ANKRD36C: variants seen among roughly 807,000 people sequenced by gnomAD.
ANKRD36C encodes ankyrin repeat domain 36C, also known as ankyrin repeat domain-containing protein 36C.
A neutral mutation model predicts 276.4 loss-of-function variants in ANKRD36C; 61 were observed. The observed-to-expected ratio is 0.22, with a 90% CI of 0.18 to 0.27. The LOEUF is 0.27. ANKRD36C is among the 10% of genes least tolerant of loss of function. The pLI is 1.00. For missense variants in ANKRD36C, 1,447 were observed against 2,032.3 expected (o/e 0.71, Z 5.54); for synonymous variants, 483 against 680.1 (o/e 0.71, Z 4.51).
chr2:95,851,485 T>C (rs1675290623), intron 66 of ANKRD36C, among the ~76,000 whole-genome samples: 1 of 152,356 alleles, frequency 6.6e-6, no homozygotes, highest in South Asian at 2.1e-4. Flanking sequence ...TCAGGCTATG[T>C]GCATAAGGTA....
chr2:95,917,811 CTA>C (rs1677146661), intron 36 of ANKRD36C, 42 bp downstream of exon 38: 13 of 1,559,406 alleles, frequency 8.3e-6, no homozygotes, highest in Non-Finnish European at 1.1e-5. Context: ...AAGTTCTTTT[CTA>C]TCTGGATTGA....
chr2:95,895,700 G>A (rs1382712148), intron 44 of ANKRD36C, 110 bp from the exon 61 acceptor site: 25 of 1,518,512 alleles, frequency 1.6e-5, no homozygotes, highest in Admixed American at 7.6e-5. Context: ...TATTAGTGGA[G>A]GCTTTCATGG....
At chr2:95,893,449 C>A (rs1157127663) in intron 44 of ANKRD36C, 84 bp downstream of exon 64, 2 of 1,510,782 alleles carry the variant, frequency 1.3e-6, no homozygotes, top group Admixed American at 2.0e-5. Context: ...GCAGCTTCGA[C>A]GAGCCCCCCG....
chr2:95,969,473 T>C (rs1469771320), intron 6 of ANKRD36C, among the ~76,000 whole-genome samples: 2 of 152,194 alleles, frequency 1.3e-5, no homozygotes, highest in African/African-American at 4.8e-5. Flanking sequence ...TTCTGAGTAG[T>C]ATGACAAAAT....
chr2:95,928,481 A>C (rs2104437058), intron 26 of ANKRD36C, among the ~76,000 whole-genome samples: 1 of 151,668 alleles, frequency 6.6e-6, no homozygotes, highest in East Asian at 1.9e-4. Flanking sequence ...TTCTTGGAGC[A>C]GCCAAAATCA....
chr2:95,910,390 C>G (rs1309609062), intron 42 of ANKRD36C: 1 of 1,544,622 alleles, frequency 6.5e-7, no homozygotes, highest in African/African-American at 1.4e-5. Flanking sequence ...AGATTTTTCT[C>G]CATCCTTTTC....
chr2:95,917,579 T>A (rs1677138003), intron 36 of ANKRD36C, among the ~76,000 whole-genome samples: 1 of 151,520 alleles, frequency 6.6e-6, no homozygotes. Flanking sequence ...ACTATGCTGT[T>A]CCCCAGAGCC....
intron 59 of ANKRD36C, among the ~76,000 whole-genome samples, chr2:95,871,541 G>A (rs1044628215): frequency 2.0e-5 from 3 of 152,002 alleles, no homozygotes; most frequent in East Asian, 1.9e-4. Flanking sequence ...AGGAACAACC[G>A]GTACCAGCCA....
intron 13 of ANKRD36C, 54 bp from the exon 14 acceptor site, chr2:95,954,059 A>G (rs977267732): frequency 4.6e-6 from 7 of 1,531,318 alleles, no homozygotes; most frequent in African/African-American, 1.4e-5. Context: ...TTAAAAGAAA[A>G]CAAAAACCGT....
At chr2:95,889,679 A>G (rs926177201) in intron 48 of ANKRD36C, 120 bp downstream of exon 68, 7 of 1,360,366 alleles carry the variant, frequency 5.1e-6, no homozygotes, top group Non-Finnish European at 7.1e-6. Context: ...CAAATGAATA[A>G]TCTCAGGAAT....
downstream of ANKRD36C, among the ~76,000 whole-genome samples, chr2:95,850,837 C>T (rs372186351): frequency 5.3e-5 from 8 of 152,114 alleles, no homozygotes; most frequent in African/African-American, 1.4e-4. Context: ...GAGAAGTTGA[C>T]GATGCCTTTG....
intron 42 of ANKRD36C, among the ~76,000 whole-genome samples, chr2:95,901,628 T>A (rs1230684322): frequency 2.5e-5 from 1 of 40,346 alleles, no homozygotes; most frequent in African/African-American, 1.0e-4. Context: ...CAAACATTCA[T>A]CATGCTCTTT....
chr2:95,953,976 T>A, exon 14 of ANKRD36C: 1 of 1,535,966 alleles, frequency 6.5e-7, no homozygotes. Context: ...TGTCACAGGC[T>A]GTGCAACAGC....
chr2:95,927,071 G>A (rs1257277169), intron 28 of ANKRD36C, 143 bp downstream of exon 28: 3 of 1,218,116 alleles, frequency 2.5e-6, no homozygotes, highest in Non-Finnish European at 3.5e-6. Context: ...AGCAGCATCA[G>A]TGTCACCTGA....
At chr2:95,882,168 G>C (rs1424782826) in intron 56 of ANKRD36C, 134 bp downstream of exon 76, 2 of 748,520 alleles carry the variant, frequency 2.7e-6, no homozygotes, top group Non-Finnish European at 4.5e-6. Context: ...TGACAACTCA[G>C]TAGAAATGCA....
At chr2:95,874,194 G>T (rs1675886497) in intron 59 of ANKRD36C, among the ~76,000 whole-genome samples, 1 of 152,026 alleles carries the variant, frequency 6.6e-6, no homozygotes, top group African/African-American at 2.4e-5. Flanking sequence ...AGTTCATATG[G>T]AACCAAAAAA....
At chr2:95,991,590 A>G in exon 1 of ANKRD36C, 1 of 1,614,002 alleles carries the variant, frequency 6.2e-7, no homozygotes, top group Non-Finnish European at 8.5e-7. Context: ...ACGATAGAAG[A>G]CAGCTCTGTG....
At chr2:95,882,597 T>C in intron 54 of ANKRD36C, 100 bp from the exon 75 acceptor site, 7 of 1,395,028 alleles carry the variant, frequency 5.0e-6, no homozygotes, top group East Asian at 2.5e-5. Flanking sequence ...CTCCTGCCTG[T>C]ACTAGTGTAG....
intron 3 of ANKRD36C, 68 bp from the exon 4 acceptor site, chr2:95,982,430 T>G: frequency 1.5e-6 from 2 of 1,312,908 alleles, no homozygotes; most frequent in Non-Finnish European, 2.1e-6. Flanking sequence ...GAAAACCTTA[T>G]GTAAGATCCT....
Sources: allele counts gnomAD v4.1 joint callset (sites outside exome capture counted in the v4.1 genomes callset), GRCh38; gene constraint gnomAD v4.1.1; transcripts MANE v1.5; gene names NCBI Gene and HGNC (gene_info 2026-07-23, HGNC 2026-07-21).